The following SEC61A2 variants were observed in gnomAD, a reference collection of about 807,000 sequenced individuals.
SEC61A2 encodes the protein protein transport protein Sec61 subunit alpha isoform 2.
A neutral mutation model predicts 59.9 loss-of-function variants in SEC61A2; 28 were observed. That is an observed-to-expected ratio of 0.47 (90% confidence interval 0.35 to 0.64). SEC61A2 has a LOEUF of 0.64. Ranked by LOEUF, SEC61A2 falls within the 30% of genes least tolerant of loss-of-function variation. SEC61A2 has a pLI of 0.01. For synonymous variants in SEC61A2, 202 were observed against 214.4 expected (o/e 0.94, Z 0.50); for missense variants, 340 against 585.9 (o/e 0.58, Z 4.33).
intron 1 of SEC61A2, among the ~76,000 whole-genome samples, chr10:12,131,557 C>G (rs1006492570): frequency 2.6e-5 from 4 of 151,880 alleles, no homozygotes; most frequent in Admixed American, 2.6e-4. Context: ...ACAATACTTT[C>G]TGATGAAATG....
Position 12,143,440 on chromosome 10 carries a change from G to A in SEC61A2, c.220+245G>A, listed in dbSNP as rs1416807438. On this transcript the variant is annotated intron_variant, in intron 4 of 11. Coordinates refer to ENST00000298428, the MANE Select transcript of SEC61A2 (RefSeq NM_018144.4). The surrounding 1 kb of genome is among the most constrained non-coding windows in gnomAD (Gnocchi z 4.8). ...AGAAGGTGATGTCCAGATAACATTGGAATTGGAGTCCAGGTGGGGCGCCGT... is the reference window on the plus strand; with the variant it reads ...AGAAGGTGATGTCCAGATAACATTGAAATTGGAGTCCAGGTGGGGCGCCGT... Among the ~76,000 whole-genome samples, 1 of 152,122 alleles carries A rather than the reference G, an allele frequency of 6.6e-6. No homozygotes were observed. The highest frequency in any genetic ancestry group is 1.5e-5 in the Non-Finnish European group (1 of 68,014).
In SEC61A2 at chr10:12,156,060, T is replaced by A. The variant is rs906838686; in HGVS notation, c.616+129T>A. 1.0e-5 allele frequency: 9 copies of A among 888,246 alleles called. No individual in the cohort carries two copies. The highest frequency in any genetic ancestry group is 3.5e-6 in the Non-Finnish European group (2 of 567,650). The allele number at this position is 888,246 out of a possible 1,614,324, so 55.0% of individuals were successfully genotyped here. On this transcript the variant is annotated intron_variant, in intron 7 of 11. Coordinates refer to ENST00000298428, the MANE Select transcript of SEC61A2 (RefSeq NM_018144.4). This position sits in a 1 kb window ranked among gnomAD's most constrained non-coding sequence, Gnocchi z 5.2. Reference sequence around the variant, plus strand: ...CCTAGGGGATAAGGAATGCGAATTCTTCAAAACTTAATGAGCAGAGATTTG... The same window carrying A: ...CCTAGGGGATAAGGAATGCGAATTCATCAAAACTTAATGAGCAGAGATTTG...
Position 12,133,268 on chromosome 10 carries a change from T to G in SEC61A2, c.35T>G (p.Phe12Cys). ...AAATTTTTAGAAGTTATCAAACCAT[T>G]CTGTGCAGTTCTACCAGAAATTCAG... ...GIKFLEVIKPFCAVLPEIQKP... is the reference protein window; with the variant it reads ...GIKFLEVIKPCCAVLPEIQKP... The change falls in exon 2 of 12, where the codon TTC becomes TGC. Residue 12 changes from phenylalanine (F) to cysteine (C), a missense_variant. Phe to Cys is a radical substitution (Grantham distance 205, BLOSUM62 -2). Transcript: ENST00000298428. The G allele has an allele frequency of 6.4e-7, 1 of 1,554,728 alleles. No individual in the cohort carries two copies. The highest frequency in any genetic ancestry group is 8.9e-7 in the Non-Finnish European group (1 of 1,129,798).
At chr10:12,133,738 A>C (rs1167630063) in intron 2 of SEC61A2, among the ~76,000 whole-genome samples, 2 of 152,268 alleles carry the variant, frequency 1.3e-5, no homozygotes, top group Non-Finnish European at 2.9e-5. Context: ...ATTTGCACAA[A>C]TATATACCTC....
At position 12,153,740 on chromosome 10, in the gene SEC61A2, G is replaced by A. The variant is rs368762695; in HGVS notation, c.463-2038G>A. On this transcript the variant is annotated intron_variant, in intron 6 of 11. Transcript: ENST00000298428. This position sits in a 1 kb window ranked among gnomAD's most constrained non-coding sequence, Gnocchi z 5.2. ...TGACCCATTGGTGTCTTTTCAAGGC[G>A]TTACTAACATTGAAAATATGTGGAT... 3.5e-5 allele frequency: 57 copies of A among 1,611,636 alleles called. No homozygotes were observed. Among genetic ancestry groups the A allele is most frequent in the Middle Eastern group, 1.6e-4 (1 of 6,062 alleles).
chr10:12,143,254 G>T lies in SEC61A2; in HGVS notation c.220+59G>T. 8.0e-7 allele frequency: 1 copy of T among 1,246,040 alleles called. No individual in the cohort carries two copies. Among genetic ancestry groups the T allele is most frequent in the Non-Finnish European group, 1.2e-6 (1 of 845,394 alleles). 77.2% of individuals were successfully genotyped at this position (1,246,040 alleles called of 1,614,324 possible). ...TCACAGCAAACAGATGGAAACATGT[G>T]GATTAGCAATGAGTTTTCAATGTCT... On this transcript the variant is annotated intron_variant, in intron 4 of 11. Coordinates refer to ENST00000298428, the MANE Select transcript of SEC61A2 (RefSeq NM_018144.4). The surrounding 1 kb of genome is among the most constrained non-coding windows in gnomAD (Gnocchi z 4.8).
intron 11 of SEC61A2, among the ~76,000 whole-genome samples, chr10:12,163,933 A>G (rs1644123979): frequency 6.6e-6 from 1 of 152,198 alleles, no homozygotes; most frequent in Non-Finnish European, 1.5e-5. Context: ...CCTACTCTTC[A>G]TTCCACAAGA....
At chr10:12,138,872 A>G (rs1445605355) in intron 3 of SEC61A2, among the ~76,000 whole-genome samples, 2 of 152,198 alleles carry the variant, frequency 1.3e-5, no homozygotes, top group African/African-American at 4.8e-5. Flanking sequence ...GAGTCCTTAG[A>G]AGTACAGCTG....
At chr10:12,159,413 C>G (rs1337975724) in intron 9 of SEC61A2, among the ~76,000 whole-genome samples, 2 of 152,042 alleles carry the variant, frequency 1.3e-5, no homozygotes, top group Non-Finnish European at 2.9e-5. Flanking sequence ...TTTAGCCAGG[C>G]GTGTTGGCTC....
At position 12,152,800 on chromosome 10, in the gene SEC61A2, G is replaced by A. The variant is rs909151317; in HGVS notation, c.462+2839G>A. The stretch of plus-strand genomic sequence containing the variant: ...CCCAGCTATTTGGGAGGCTGAGGCC[G>A]AACCCAGGAGGCGGAGGTTGCAGTG... On this transcript the variant is annotated intron_variant, in intron 6 of 11. Coordinates refer to ENST00000298428, the MANE Select transcript of SEC61A2 (RefSeq NM_018144.4). This position sits in a 1 kb window ranked among gnomAD's most constrained non-coding sequence, Gnocchi z 5.5. Among the ~76,000 whole-genome samples the A allele has an allele frequency of 3.9e-5, 6 of 152,254 alleles. No individual in the cohort carries two copies. Among genetic ancestry groups the A allele is most frequent in the South Asian group, 2.1e-4 (1 of 4,818 alleles).
chr10:12,141,569 A>G (rs904240361), intron 3 of SEC61A2, among the ~76,000 whole-genome samples: 2 of 152,218 alleles, frequency 1.3e-5, no homozygotes, highest in African/African-American at 4.8e-5. Flanking sequence ...ATACATATGA[A>G]AAGAATACAG....
rs2293296 is a variant in SEC61A2, at chr10:12,156,507, G to A, written c.617-400G>A. 4.6e-5 allele frequency among the ~76,000 whole-genome samples: 7 copies of A among 152,272 alleles called. No individual in the cohort carries two copies. In the East Asian group the frequency reaches 1.2e-3, roughly 25 times the overall value. On this transcript the variant is annotated intron_variant, in intron 7 of 11. Transcript: ENST00000298428. The surrounding 1 kb of genome is among the most constrained non-coding windows in gnomAD (Gnocchi z 5.2). ...TAATGTTCTTGGTGCGGTAAACTTC[G>A]AGGCAGGCTCGATAGAGTGACATCT... is the stretch of plus-strand genomic sequence containing the variant.
rs1588642753 is a variant in SEC61A2 at position 12,155,529 on chromosome 10, T to C, written c.463-249T>C. The C allele has an allele frequency of 2.9e-6, 2 of 683,634 alleles. No individual in the cohort carries two copies. The highest frequency in any genetic ancestry group is 3.6e-5 in the African/African-American group (2 of 55,412). The allele number at this position is 683,634 out of a possible 1,614,324, so 42.3% of individuals were successfully genotyped here. A position where few individuals can be genotyped will look rare whatever the true frequency, so the allele number is the denominator to read the frequency against. On this transcript the variant is annotated intron_variant, in intron 6 of 11. Coordinates refer to ENST00000298428, the MANE Select transcript of SEC61A2 (RefSeq NM_018144.4). The surrounding 1 kb of genome is among the most constrained non-coding windows in gnomAD (Gnocchi z 4.3). ...TTGCAAAAGAAACTATTCAGATAAGTGTAAATAGACTTTAAAAGTTGAAAT... is the reference window on the plus strand; with the variant it reads ...TTGCAAAAGAAACTATTCAGATAAGCGTAAATAGACTTTAAAAGTTGAAAT...
At chr10:12,130,639 G>A (rs1833713219) in intron 1 of SEC61A2, 1 of 154,362 alleles carries the variant, frequency 6.5e-6, no homozygotes, top group African/African-American at 2.4e-5. Context: ...TTGAGGTGGA[G>A]AGGAAAAGGG....
chr10:12,131,191 T>C (rs1833727497), intron 1 of SEC61A2, among the ~76,000 whole-genome samples: 1 of 152,048 alleles, frequency 6.6e-6, no homozygotes, highest in Non-Finnish European at 1.5e-5. Flanking sequence ...CAAACATATA[T>C]CGGTGACTGC....
downstream of SEC61A2, chr10:12,167,837 A>G: frequency 6.2e-7 from 1 of 1,612,468 alleles, no homozygotes; most frequent in Non-Finnish European, 8.5e-7. Context: ...AAAACAACTT[A>G]GATCATGCCG....
Position 12,149,891 on chromosome 10 carries a change from A to G in SEC61A2, c.392A>G (p.Tyr131Cys). The G allele has an allele frequency of 6.2e-7, 1 of 1,613,998 alleles. No individual in the cohort carries two copies. The highest frequency in any genetic ancestry group is 1.1e-5 in the South Asian group (1 of 91,084). The part of the protein sequence containing the change: ...MIITIGQAIV[Y>C]VMTGMYGDPA... ...ATTACCATTGGGCAAGCCATTGTGT[A>G]TGTCATGACGGGGATGTATGGGGAC... The change falls in exon 6 of 12, where the codon TAT becomes TGT. Residue 131 changes from tyrosine to cysteine, a missense_variant. This residue lies in a region of SEC61A2 where 283 missense variants were observed against 483.2 expected (regional missense o/e 0.59). Coordinates refer to ENST00000298428, the MANE Select transcript of SEC61A2 (RefSeq NM_018144.4). The surrounding 1 kb of genome is among the most constrained non-coding windows in gnomAD (Gnocchi z 5.2).
chr10:12,166,539 C>T (rs771635689), downstream of SEC61A2: 1 of 318,834 alleles, frequency 3.1e-6, no homozygotes, highest in African/African-American at 2.2e-5. Flanking sequence ...AGACAGTGAG[C>T]CTGTGGACAA....
Position 12,164,314 on chromosome 10 carries a change from C to G in SEC61A2, c.1291C>G (p.Leu431Val). ...AAFGGLCIGA[L>V]SVLADFLGAI... The stretch of plus-strand genomic sequence containing the variant: ...GTTTGGCGGTTTGTGCATTGGCGCC[C>G]TGTCAGTGCTGGCTGACTTCCTGGG... Residue 431 changes from leucine (L) to valine (V), a missense_variant, in exon 12 of 12, where the codon CTG becomes GTG. This residue lies in a region of SEC61A2 where 283 missense variants were observed against 483.2 expected (regional missense o/e 0.59). Transcript: ENST00000298428. This position sits in a 1 kb window ranked among gnomAD's most constrained non-coding sequence, Gnocchi z 7.3. 1.2e-6 allele frequency: 2 copies of G among 1,613,908 alleles called. No individual in the cohort carries two copies. Among genetic ancestry groups the G allele is most frequent in the Non-Finnish European group, 1.7e-6 (2 of 1,180,016 alleles).
Sources: gnomAD v4.1 joint callset for allele counts (sites outside exome capture counted in the v4.1 genomes callset) on GRCh38, gnomAD v4.1.1 for gene constraint, gnomAD v4.1.1 regional missense constraint, Gnocchi (gnomAD v3.1) non-coding constraint, MANE v1.5 for transcripts, NCBI Gene and HGNC (gene_info 2026-07-23, HGNC 2026-07-21) for gene names.